The following STXBP5L variants were observed in gnomAD, a reference collection of about 807,000 sequenced individuals.
STXBP5L encodes syntaxin binding protein 5L.
In STXBP5L, 65 loss-of-function variants were observed where a neutral mutation model predicts 144.5. That is an observed-to-expected ratio of 0.45 (90% CI 0.37 to 0.55). The LOEUF (loss-of-function observed/expected upper bound fraction) is 0.55. Ranked by LOEUF, STXBP5L falls within the 20% of genes least tolerant of loss-of-function variation. The probability of loss-of-function intolerance (pLI) is 0.00; values close to 1 mark genes in which losing one functional copy is unlikely to be tolerated. For synonymous variants in STXBP5L, 505 were observed against 469.6 expected, an observed-to-expected ratio of 1.08 and a Z score of -0.97; for missense variants, 1,298 against 1,405.5, an observed-to-expected ratio of 0.92 and a Z score of 1.22.
intron 20 of STXBP5L, chr3:121,356,893 A>T (rs1007764783): frequency 6.5e-6 from 1 of 153,710 alleles, no homozygotes; most frequent in Non-Finnish European, 1.5e-5. Context: ...AACTGGCCAG[A>T]GCCCATTCAA....
intron 5 of STXBP5L, among the ~76,000 whole-genome samples, chr3:121,053,884 A>G (rs76630753): frequency 9.1e-4 from 139 of 152,236 alleles, no homozygotes; most frequent in Non-Finnish European, 1.8e-3. Flanking sequence ...ACTCAAACAA[A>G]TTTACAAGAA....
chr3:121,040,141 T>A (rs933831850), intron 3 of STXBP5L, among the ~76,000 whole-genome samples: 3 of 152,086 alleles, frequency 2.0e-5, no homozygotes, highest in Non-Finnish European at 4.4e-5. Context: ...CAAGTTATAT[T>A]TTTTTACTTC....
intron 4 of STXBP5L, among the ~76,000 whole-genome samples, chr3:121,043,829 T>C (rs1243171884): frequency 6.6e-6 from 1 of 152,256 alleles, no homozygotes; most frequent in Non-Finnish European, 1.5e-5. Flanking sequence ...ATGTTTTATC[T>C]TCTGTATAGC....
At chr3:121,050,041 G>T (rs1254994276) in intron 5 of STXBP5L, among the ~76,000 whole-genome samples, 1 of 152,108 alleles carries the variant, frequency 6.6e-6, no homozygotes, top group Non-Finnish European at 1.5e-5. Context: ...CTGGCTCCAT[G>T]CCACTTCTGG....
At chr3:121,116,971 A>G (rs2044256934) in intron 6 of STXBP5L, among the ~76,000 whole-genome samples, 1 of 151,992 alleles carries the variant, frequency 6.6e-6, no homozygotes, top group Non-Finnish European at 1.5e-5. Context: ...AAAGTAATTG[A>G]GAAGAATTTG....
At chr3:121,240,414 A>ATAT in intron 13 of STXBP5L, 26 bp from the exon 14 acceptor site, 1 of 1,605,430 alleles carries the variant, frequency 6.2e-7, no homozygotes, top group African/African-American at 1.3e-5. Context: ...ACATGTATAT[A>ATAT]TATTCTTTCT....
chr3:120,979,855 T>C (rs559975613), intron 3 of STXBP5L, among the ~76,000 whole-genome samples: 1 of 152,350 alleles, frequency 6.6e-6, no homozygotes, highest in East Asian at 1.9e-4. Flanking sequence ...AAGGTAGGCA[T>C]TTAACACTAT....
At chr3:121,200,652 G>C (rs1031996789) in intron 9 of STXBP5L, among the ~76,000 whole-genome samples, 3 of 152,108 alleles carry the variant, frequency 2.0e-5, no homozygotes, top group Non-Finnish European at 4.4e-5. Context: ...TGATTTAGCT[G>C]TGTCCCAGAG....
At chr3:120,972,489 T>C (rs1446275318) in intron 3 of STXBP5L, among the ~76,000 whole-genome samples, 2 of 152,152 alleles carry the variant, frequency 1.3e-5, no homozygotes, top group Non-Finnish European at 2.9e-5. Flanking sequence ...TAGGGTTTTG[T>C]AGATATAAGA....
chr3:121,223,758 A>C (rs779784492), intron 11 of STXBP5L, among the ~76,000 whole-genome samples: 19 of 152,170 alleles, frequency 1.2e-4, no homozygotes, highest in Non-Finnish European at 2.5e-4. Flanking sequence ...ACTAGTCTAA[A>C]CTTATATGCA....
intron 7 of STXBP5L, among the ~76,000 whole-genome samples, chr3:121,131,022 CAG>C (rs2044963260): frequency 6.6e-6 from 1 of 151,826 alleles, no homozygotes; most frequent in Non-Finnish European, 1.5e-5. Context: ...CAAAAGGAAA[CAG>C]ACATAAAGAG....
intron 5 of STXBP5L, among the ~76,000 whole-genome samples, chr3:121,085,756 A>G (rs1004787845): frequency 5.3e-5 from 8 of 152,204 alleles, no homozygotes; most frequent in Middle Eastern, 3.2e-3. Context: ...GCCTAAAGCA[A>G]TTTATAGATT....
chr3:120,909,178 GAGAC>G (rs1451421877), intron 1 of STXBP5L: 1 of 157,952 alleles, frequency 6.3e-6, no homozygotes, highest in Non-Finnish European at 1.4e-5. Flanking sequence ...CCTTAAGAGA[GAGAC>G]AGAGTCTTGG....
intron 2 of STXBP5L, among the ~76,000 whole-genome samples, chr3:120,929,449 A>G (rs146109656): frequency 1.3e-5 from 2 of 152,298 alleles, no homozygotes; most frequent in African/African-American, 2.4e-5. Flanking sequence ...ACATTAGAAT[A>G]TAAACACTTT....
At chr3:121,307,957 CA>C (rs1219719699) in intron 19 of STXBP5L, among the ~76,000 whole-genome samples, 1 of 152,116 alleles carries the variant, frequency 6.6e-6, no homozygotes, top group Non-Finnish European at 1.5e-5. Flanking sequence ...TGACTTGTCA[CA>C]TACATGGAAC....
intron 3 of STXBP5L, among the ~76,000 whole-genome samples, chr3:120,999,977 T>C (rs1055684146): frequency 2.0e-5 from 3 of 152,224 alleles, no homozygotes; most frequent in Admixed American, 2.0e-4. Flanking sequence ...CTGAAAGTTC[T>C]GCTGTTAGCC....
rs2049022581 is a variant in STXBP5L at position 121,223,085 on chromosome 3, G to A, written c.1039G>A (p.Ala347Thr). 1 of 1,612,682 alleles carries A rather than the reference G, an allele frequency of 6.2e-7. No homozygotes were observed. The highest frequency in any genetic ancestry group is 8.5e-7 in the Non-Finnish European group (1 of 1,179,370). ...RPSLTIMHGKAITVLEMDHPI... is the reference protein window; with the variant it reads ...RPSLTIMHGKTITVLEMDHPI... ...AAGTTTAACCATCATGCATGGAAAA[G>A]CAATTACAGTACTTGAAATGGATCA... Residue 347 changes from alanine (A) to threonine (T), a missense_variant, in exon 11 of 27, where the codon GCA becomes ACA. Ala to Thr is a moderately conservative substitution (Grantham distance 58). Coordinates refer to ENST00000471454, the MANE Select transcript of STXBP5L (RefSeq NM_001308330.2).
intron 9 of STXBP5L, among the ~76,000 whole-genome samples, chr3:121,185,551 G>A (rs966727335): frequency 1.7e-4 from 26 of 152,254 alleles, no homozygotes; most frequent in African/African-American, 6.0e-4. Context: ...TTATTGAATA[G>A]GGAGTCCTTT....
chr3:121,000,313 C>G (rs182670461), intron 3 of STXBP5L, among the ~76,000 whole-genome samples: 1 of 151,994 alleles, frequency 6.6e-6, no homozygotes, highest in African/African-American at 2.4e-5. Flanking sequence ...CTTTTACATT[C>G]TTTTTTCCTT....
Sources: gnomAD v4.1 joint callset for allele counts (sites outside exome capture counted in the v4.1 genomes callset) on GRCh38, gnomAD v4.1.1 for gene constraint, MANE v1.5 for transcripts, NCBI Gene and HGNC (gene_info 2026-07-23, HGNC 2026-07-21) for gene names.